ERC1: variants seen among roughly 807,000 people sequenced by gnomAD.
ERC1 encodes ELKS/RAB6-interacting/CAST family member 1.
ERC1 carries 56 observed loss-of-function variants against 132.0 expected under a neutral mutation model. The ratio of observed to expected loss-of-function variants is 0.42; its 90% CI spans 0.34 to 0.53. ERC1 has a LOEUF of 0.53. Ranked by LOEUF, ERC1 falls within the 20% of genes least tolerant of loss-of-function variation. The probability of loss-of-function intolerance (pLI) is 0.03; values close to 1 mark genes in which losing one functional copy is unlikely to be tolerated. For synonymous variants in ERC1, 478 were observed against 476.1 expected, an observed-to-expected ratio of 1.00 and a Z score of -0.05; for missense variants, 1,202 against 1,349.9, an observed-to-expected ratio of 0.89 and a Z score of 1.72.
At chr12:1,474,683 T>G (rs77822995) in intron 18 of ERC1, among the ~76,000 whole-genome samples, 30 of 152,168 alleles carry the variant, frequency 2.0e-4, no homozygotes, top group Non-Finnish European at 3.5e-4. Context: ...CTCGCATTCC[T>G]TATTCTTTAG....
chr12:1,074,050 A>T (rs1940918724), intron 2 of ERC1, among the ~76,000 whole-genome samples: 1 of 2,856 alleles, frequency 3.5e-4, no homozygotes, highest in Admixed American at 7.2e-3. Flanking sequence ...TTTTTAGTAG[A>T]GACGGCTTTC....
chr12:1,027,711 T>G (rs1967136941), intron 1 of ERC1, 37 bp from the exon 2 acceptor site: 1 of 559,768 alleles, frequency 1.8e-6, no homozygotes, highest in South Asian at 2.6e-5. Context: ...GAAATATTTA[T>G]TATTGGAGGA....
At chr12:1,311,473 A>T (rs1422987735) in intron 15 of ERC1, among the ~76,000 whole-genome samples, 3 of 151,028 alleles carry the variant, frequency 2.0e-5, no homozygotes, top group Non-Finnish European at 4.4e-5. Flanking sequence ...TATGCCTTTG[A>T]TCTTTCTTAT....
chr12:1,439,157 C>G lies in ERC1; in HGVS notation c.3025-5405C>G, dbSNP rs74059529. 2.1e-3 allele frequency among the ~76,000 whole-genome samples: 324 copies of G among 152,216 alleles called. 1 individual carries two copies. Among genetic ancestry groups the G allele is most frequent in the African/African-American group, 7.5e-3 (311 of 41,528 alleles). On this transcript the variant is annotated intron_variant, in intron 17 of 18. Coordinates refer to ENST00000360905, the MANE Select transcript of ERC1 (RefSeq NM_178040.4). Reference sequence around the variant, plus strand: ...AGTGGGAAGAGAAGAGCCTACTGGACAGACGCTTCACTCTGCACATTTCTT... The same window carrying G: ...AGTGGGAAGAGAAGAGCCTACTGGAGAGACGCTTCACTCTGCACATTTCTT...
At chr12:1,366,634 A>ACC (rs2154372671) in intron 15 of ERC1, among the ~76,000 whole-genome samples, 1 of 152,340 alleles carries the variant, frequency 6.6e-6, no homozygotes, top group East Asian at 1.9e-4. Context: ...AAGAGACCTA[A>ACC]TGACGATGAC....
intron 16 of ERC1, among the ~76,000 whole-genome samples, chr12:1,388,157 C>T (rs7970589): frequency 0.22 from 34,006 of 151,584 alleles, 7,198 homozygotes; most frequent in African/African-American, 0.56. Flanking sequence ...GTCAGAAGAT[C>T]GAGACCACGG....
chr12:1,238,551 G>A (rs2075580831), intron 13 of ERC1, among the ~76,000 whole-genome samples: 1 of 152,030 alleles, frequency 6.6e-6, no homozygotes, highest in Non-Finnish European at 1.5e-5. Flanking sequence ...TATATTTCAT[G>A]AAATTAATGA....
intron 7 of ERC1, among the ~76,000 whole-genome samples, chr12:1,137,857 A>C (rs1949411726): frequency 6.8e-6 from 1 of 147,388 alleles, no homozygotes; most frequent in Non-Finnish European, 1.5e-5. Context: ...TCTCAAAAAA[A>C]CAAAAAATAT....
chr12:1,147,783 G>T (rs1326422366), intron 8 of ERC1, among the ~76,000 whole-genome samples: 1 of 152,110 alleles, frequency 6.6e-6, no homozygotes, highest in Non-Finnish European at 1.5e-5. Flanking sequence ...GTTTCTGAAG[G>T]CATCTGGATG....
intron 14 of ERC1, among the ~76,000 whole-genome samples, chr12:1,277,882 T>G (rs781709028): frequency 6.6e-6 from 1 of 152,216 alleles, no homozygotes; most frequent in Non-Finnish European, 1.5e-5. Flanking sequence ...CTAAGAGATA[T>G]GACAGTTCAC....
At chr12:1,167,980 CT>C (rs1317523003) in intron 8 of ERC1, among the ~76,000 whole-genome samples, 1 of 152,126 alleles carries the variant, frequency 6.6e-6, no homozygotes, top group Non-Finnish European at 1.5e-5. Context: ...TCCCCAAGTG[CT>C]GGGATTGCAG....
chr12:1,334,254 ATTTTTGCTTTTGT>A (rs1278057850), intron 15 of ERC1, among the ~76,000 whole-genome samples: 3 of 152,078 alleles, frequency 2.0e-5, no homozygotes, highest in Non-Finnish European at 4.4e-5. Context: ...CTGTTCATCA[ATTTTTGCTTTTGT>A]TGCAGTTGCT....
At chr12:1,068,328 G>GTA in intron 2 of ERC1, among the ~76,000 whole-genome samples, 1 of 152,052 alleles carries the variant, frequency 6.6e-6, no homozygotes. Flanking sequence ...TACTGTAATT[G>GTA]TACACTAAGG....
In ERC1 at chr12:1,233,470, C is replaced by CAAAAA. The variant is rs60542316; in HGVS notation, c.2352-3280_2352-3276dup. 2.3e-3 allele frequency among the ~76,000 whole-genome samples: 166 copies of CAAAAA among 71,464 alleles called. 1 individual carries two copies. Among genetic ancestry groups the CAAAAA allele is most frequent in the Middle Eastern group, 7.8e-3 (1 of 128 alleles). The allele number at this position is 71,464 out of a possible 152,430, so 46.9% of individuals were successfully genotyped here. ...TGGGCAACAGAGTGAGACCCTGTCT[C>CAAAAA]AAAAAAAAAAAAAAAAAAAAAAAGA... On this transcript the variant is annotated intron_variant, in intron 12 of 18. Coordinates refer to ENST00000360905, the MANE Select transcript of ERC1 (RefSeq NM_178040.4).
rs552220270 is a variant in ERC1, at chr12:1,406,988, T to C, written c.2926-1161T>C. Among the ~76,000 whole-genome samples the C allele has an allele frequency of 2.0e-5, 3 of 152,368 alleles. No homozygotes were observed. The South Asian group carries it at 6.2e-4, about 32-fold the overall frequency. On this transcript the variant is annotated intron_variant, in intron 16 of 18. Transcript: ENST00000360905. ...TCAAGTTTTAACAATATTTTACTAG[T>C]GTAACATATTGCTGTTTGATTTTAT... is the stretch of plus-strand genomic sequence containing the variant.
chr12:1,387,725 A>C (rs546516078), intron 16 of ERC1, among the ~76,000 whole-genome samples: 14 of 152,206 alleles, frequency 9.2e-5, no homozygotes, highest in African/African-American at 3.1e-4. Flanking sequence ...CACAGGGAAC[A>C]TGGCCCTGCC....
At chr12:1,079,057 TC>T (rs1941800112) in intron 2 of ERC1, among the ~76,000 whole-genome samples, 1 of 150,468 alleles carries the variant, frequency 6.6e-6, no homozygotes, top group African/African-American at 2.5e-5. Context: ...ATGACAAAAG[TC>T]GATATACAGA....
At chr12:1,236,188 G>A (rs1167169745) in intron 12 of ERC1, among the ~76,000 whole-genome samples, 2 of 152,118 alleles carry the variant, frequency 1.3e-5, no homozygotes, top group African/African-American at 4.8e-5. Context: ...TAAATTTTGA[G>A]ATATAGGTTG....
In ERC1 at chr12:1,185,740, T is replaced by C. The variant is rs892728658; in HGVS notation, c.2157+2319T>C. On this transcript the variant is annotated intron_variant, in intron 11 of 18. Coordinates refer to ENST00000360905, the MANE Select transcript of ERC1 (RefSeq NM_178040.4). Reference sequence around the variant, plus strand: ...ATAGGAACTCTAGGTTGTTTTTTTTTTTTTTTAATTTATATTGAGGTGACT... The same window carrying C: ...ATAGGAACTCTAGGTTGTTTTTTTTCTTTTTTAATTTATATTGAGGTGACT... Among the ~76,000 whole-genome samples, 256 of 152,096 alleles carry C rather than the reference T, an allele frequency of 1.7e-3. 1 individual carries two copies. Among genetic ancestry groups the C allele is most frequent in the African/African-American group, 5.8e-3 (242 of 41,516 alleles).
Sources: gnomAD v4.1 joint callset for allele counts (sites outside exome capture counted in the v4.1 genomes callset) on GRCh38, gnomAD v4.1.1 for gene constraint, MANE v1.5 for transcripts, NCBI Gene and HGNC (gene_info 2026-07-23, HGNC 2026-07-21) for gene names.